Variants in SORCS3 observed in about 807,000 individuals in gnomAD.
SORCS3 encodes VPS10 domain-containing receptor SorCS3.
In SORCS3, 57 loss-of-function variants were observed where a neutral mutation model predicts 146.3. The observed-to-expected ratio is 0.39, with a 90% CI of 0.31 to 0.49. The LOEUF is 0.49. SORCS3 is among the 20% of genes least tolerant of loss of function. The pLI is 0.92. For synonymous variants in SORCS3, 653 were observed against 618.5 expected, an observed-to-expected ratio of 1.06 and a Z score of -0.83; for missense variants, 1,341 against 1,575.5, an observed-to-expected ratio of 0.85 and a Z score of 2.52.
chr10:104,837,692 T>C lies in SORCS3; in HGVS notation c.628-5100T>C, dbSNP rs79099681. On this transcript the variant is annotated intron_variant, in intron 1 of 26. Coordinates refer to ENST00000369701, the MANE Select transcript of SORCS3 (RefSeq NM_014978.3). ...ATCTTTACCCCTGGGCCTTGAGCTC[T>C]AGATCTCTCTCCCTGATTTGCAGAG... Among the ~76,000 whole-genome samples, 1,408 of 152,372 alleles carry C rather than the reference T, an allele frequency of 9.2e-3. 17 individuals are homozygous for C. The highest frequency in any genetic ancestry group is 0.032 in the African/African-American group (1,331 of 41,588).
At chr10:104,681,916 CT>C (rs894678757) in intron 1 of SORCS3, among the ~76,000 whole-genome samples, 8 of 152,102 alleles carry the variant, frequency 5.3e-5, no homozygotes, top group African/African-American at 1.9e-4. Context: ...ACATATTTCT[CT>C]TTTTTTTCCT....
chr10:105,110,155 CT>C (rs572041903), intron 7 of SORCS3, among the ~76,000 whole-genome samples: 4 of 150,214 alleles, frequency 2.7e-5, no homozygotes, highest in East Asian at 1.9e-4. Context: ...TGCTTTATTG[CT>C]TTTTTTTTCT....
At chr10:104,753,211 A>T (rs1012564493) in intron 1 of SORCS3, among the ~76,000 whole-genome samples, 2 of 152,230 alleles carry the variant, frequency 1.3e-5, no homozygotes, top group African/African-American at 2.4e-5. Flanking sequence ...TCTTCCCCAC[A>T]GAAGAAGGTT....
intron 1 of SORCS3, chr10:104,665,164 A>G (rs2015756246): frequency 6.6e-6 from 1 of 152,248 alleles, no homozygotes; most frequent in South Asian, 2.1e-4. Context: ...AGTTATCTCT[A>G]TGCATGTATC....
At position 105,201,223 on chromosome 10, in the gene SORCS3, C is replaced by G; in HGVS notation, c.2231C>G (p.Pro744Arg). The G allele has an allele frequency of 6.2e-7, 1 of 1,609,912 alleles. No individual in the cohort carries two copies. The highest frequency in any genetic ancestry group is 8.5e-7 in the Non-Finnish European group (1 of 1,178,264). ...RDHSGSVVSEPCVCANWDFEC... is the reference protein window; with the variant it reads ...RDHSGSVVSERCVCANWDFEC... Reference sequence around the variant, plus strand: ...CACTCAGGATCAGTGGTCTCAGAACCCTGTGTCTGTGCCAATTGGGACTTC... The same window carrying G: ...CACTCAGGATCAGTGGTCTCAGAACGCTGTGTCTGTGCCAATTGGGACTTC... The change falls in exon 16 of 27, where the codon CCC (proline) becomes CGC (arginine). Residue 744 changes from proline to arginine, a missense_variant. Pro to Arg is a moderately radical substitution (Grantham distance 103, BLOSUM62 -2). Transcript: ENST00000369701.
At chr10:105,081,375 G>A (rs1489952598) in intron 5 of SORCS3, among the ~76,000 whole-genome samples, 2 of 152,138 alleles carry the variant, frequency 1.3e-5, no homozygotes, top group Non-Finnish European at 2.9e-5. Context: ...TGGTACTAAT[G>A]TTCCAAGTTG....
intron 1 of SORCS3, among the ~76,000 whole-genome samples, chr10:104,718,636 C>A (rs2016507973): frequency 6.6e-6 from 1 of 152,092 alleles, no homozygotes; most frequent in Non-Finnish European, 1.5e-5. Context: ...AAATCTGGAG[C>A]CTATCCAAGG....
intron 6 of SORCS3, among the ~76,000 whole-genome samples, chr10:105,092,947 A>C (rs1325604326): frequency 1.3e-5 from 2 of 152,192 alleles, no homozygotes; most frequent in East Asian, 3.8e-4. Flanking sequence ...ACTTTTATTC[A>C]ACATTATGCT....
intron 2 of SORCS3, among the ~76,000 whole-genome samples, chr10:104,874,696 C>T (rs965501247): frequency 6.6e-6 from 1 of 152,138 alleles, no homozygotes; most frequent in Non-Finnish European, 1.5e-5. Context: ...TTATTGTCCT[C>T]CCTACTGTTA....
At chr10:105,087,233 G>A (rs1388224951) in intron 5 of SORCS3, among the ~76,000 whole-genome samples, 1 of 152,096 alleles carries the variant, frequency 6.6e-6, no homozygotes, top group Admixed American at 6.6e-5. Flanking sequence ...AGATCAGATG[G>A]ATGTAGATGT....
At chr10:105,227,821 A>AT (rs775430550) in intron 20 of SORCS3, among the ~76,000 whole-genome samples, 17 of 149,206 alleles carry the variant, frequency 1.1e-4, no homozygotes, top group African/African-American at 2.7e-4. Context: ...TTTGTTTTTT[A>AT]TTTTTTTTTA....
At chr10:105,170,882 C>T (rs1267852032) in intron 13 of SORCS3, among the ~76,000 whole-genome samples, 1 of 152,114 alleles carries the variant, frequency 6.6e-6, no homozygotes, top group Non-Finnish European at 1.5e-5. Context: ...ATACAAGCTT[C>T]TGAAACTTAA....
intron 1 of SORCS3, among the ~76,000 whole-genome samples, chr10:104,694,185 A>G (rs923577641): frequency 6.6e-6 from 1 of 150,948 alleles, no homozygotes; most frequent in Non-Finnish European, 1.5e-5. Context: ...TGGTGGGCAG[A>G]GGGACATGCT....
chr10:104,968,358 T>C (rs1319850787), intron 3 of SORCS3, among the ~76,000 whole-genome samples: 2 of 152,160 alleles, frequency 1.3e-5, no homozygotes, highest in African/African-American at 2.4e-5. Flanking sequence ...TCAGGTGATC[T>C]ACCCGCCTGG....
chr10:104,871,201 G>A (rs1406561044), intron 2 of SORCS3, among the ~76,000 whole-genome samples: 10 of 152,128 alleles, frequency 6.6e-5, no homozygotes, highest in South Asian at 4.1e-4. Context: ...CAAGAGGTGA[G>A]TATTTGAACT....
intron 14 of SORCS3, among the ~76,000 whole-genome samples, chr10:105,193,589 C>T (rs1185633186): frequency 6.6e-5 from 10 of 152,074 alleles, no homozygotes; most frequent in Admixed American, 4.6e-4. Context: ...GAAATGGTCT[C>T]AAAAGGGCCA....
At chr10:105,138,070 T>G (rs926450886) in intron 7 of SORCS3, among the ~76,000 whole-genome samples, 1 of 152,160 alleles carries the variant, frequency 6.6e-6, no homozygotes, top group Admixed American at 6.5e-5. Flanking sequence ...TGTATCAAAA[T>G]AAAAAAGTTT....
intron 1 of SORCS3, among the ~76,000 whole-genome samples, chr10:104,727,485 A>C (rs2016650260): frequency 6.6e-6 from 1 of 151,972 alleles, no homozygotes; most frequent in African/African-American, 2.4e-5. Flanking sequence ...CTTTAAAAAA[A>C]ACTTGGATCT....
chr10:105,214,450 G>A lies in SORCS3; in HGVS notation c.2384G>A (p.Arg795Gln), dbSNP rs201158982. The A allele has an allele frequency of 1.7e-5, 28 of 1,614,030 alleles. No homozygotes were observed. Among genetic ancestry groups the A allele is most frequent in the Non-Finnish European group, 1.8e-5 (21 of 1,180,004 alleles). The change falls in exon 18 of 27, where the codon CGG becomes CAG. Residue 795 changes from arginine to glutamine, a missense_variant. Physicochemically the swap from Arg to Gln is conservative, Grantham distance 43. Transcript: ENST00000369701. ...QSYLNSTGYR[R>Q]IVSNNCTDGL... ...TTGTCAATTCTACTTAGGTATCGGC[G>A]GATTGTGTCCAACAACTGCACAGAT...
Sources: gnomAD v4.1 joint callset for allele counts (sites outside exome capture counted in the v4.1 genomes callset) on GRCh38, gnomAD v4.1.1 for gene constraint, MANE v1.5 for transcripts, NCBI Gene and HGNC (gene_info 2026-07-23, HGNC 2026-07-21) for gene names.